Variants in CWC27 observed in about 807,000 individuals in gnomAD.
CWC27 encodes spliceosome-associated protein CWC27 homolog.
In CWC27, 47 loss-of-function variants were observed where a neutral mutation model predicts 63.6. The observed-to-expected ratio is 0.74, with a 90% CI of 0.58 to 0.94. The LOEUF is 0.94. Ranked by LOEUF, CWC27 falls within the 40% of genes least tolerant of loss-of-function variation. The probability of loss-of-function intolerance (pLI) is 0.00; values close to 1 mark genes in which losing one functional copy is unlikely to be tolerated. For synonymous variants in CWC27, 175 were observed against 179.8 expected, an observed-to-expected ratio of 0.97 and a Z score of 0.22; for missense variants, 495 against 554.3, an observed-to-expected ratio of 0.89 and a Z score of 1.07.
chr5:64,814,113 G>A (rs903402136), intron 10 of CWC27, among the ~76,000 whole-genome samples: 5 of 150,346 alleles, frequency 3.3e-5, no homozygotes, highest in African/African-American at 1.2e-4. Flanking sequence ...ACTATTATTA[G>A]TGTTAGGGTA....
At chr5:64,966,674 C>G (rs1292244065) in intron 11 of CWC27, among the ~76,000 whole-genome samples, 1 of 152,090 alleles carries the variant, frequency 6.6e-6, no homozygotes, top group Admixed American at 6.5e-5. Flanking sequence ...ATACTGGAAA[C>G]TGAGAGCACA....
At chr5:64,842,673 C>G (rs974541417) in intron 10 of CWC27, among the ~76,000 whole-genome samples, 2 of 151,860 alleles carry the variant, frequency 1.3e-5, no homozygotes, top group Non-Finnish European at 2.9e-5. Context: ...GATCTTGACC[C>G]ACTGCAGCCT....
intron 13 of CWC27, among the ~76,000 whole-genome samples, chr5:64,986,345 C>G (rs529309798): frequency 6.6e-6 from 1 of 152,188 alleles, no homozygotes; most frequent in South Asian, 2.1e-4. Flanking sequence ...ACATCCTTAC[C>G]AGTGTGTTGA....
intron 2 of CWC27, among the ~76,000 whole-genome samples, chr5:64,776,703 T>C (rs193165302): frequency 5.6e-4 from 86 of 152,230 alleles, no homozygotes; most frequent in Non-Finnish European, 8.8e-4. Context: ...GAAAACCCCA[T>C]TTTAGTTCTT....
chr5:64,792,325 A>C (rs1267703416), intron 7 of CWC27, among the ~76,000 whole-genome samples: 1 of 152,176 alleles, frequency 6.6e-6, no homozygotes, highest in African/African-American at 2.4e-5. Flanking sequence ...AGAGGAATTC[A>C]TACCAAGGAA....
intron 13 of CWC27, among the ~76,000 whole-genome samples, chr5:64,980,579 C>T (rs896601253): frequency 1.3e-5 from 2 of 152,136 alleles, no homozygotes; most frequent in African/African-American, 2.4e-5. Context: ...ATTGTTAATT[C>T]TAAGATTAAC....
At chr5:64,949,931 C>T (rs984142396) in intron 11 of CWC27, among the ~76,000 whole-genome samples, 2 of 151,894 alleles carry the variant, frequency 1.3e-5, no homozygotes, top group African/African-American at 2.4e-5. Flanking sequence ...ACCCAGGCAT[C>T]GGTACTTTTT....
At chr5:64,880,092 A>G (rs7715225) in intron 10 of CWC27, among the ~76,000 whole-genome samples, 56,533 of 151,786 alleles carry the variant, frequency 0.37, 11,227 homozygotes, top group East Asian at 0.51. Flanking sequence ...ATCACAGTTC[A>G]CATGCTTCCT....
At chr5:64,840,362 TAA>T (rs10534375) in intron 10 of CWC27, among the ~76,000 whole-genome samples, 8 of 22,182 alleles carry the variant, frequency 3.6e-4, no homozygotes, top group Non-Finnish European at 5.8e-4. Flanking sequence ...CCTTTTTCAT[TAA>T]AAAAAAAAAA....
chr5:64,929,987 A>G (rs1172343741), intron 11 of CWC27, among the ~76,000 whole-genome samples: 2 of 146,316 alleles, frequency 1.4e-5, no homozygotes, highest in Admixed American at 1.4e-4. Context: ...AACAGCCTAA[A>G]CAAACTGTGA....
At chr5:64,819,382 G>T (rs1745133687) in intron 10 of CWC27, among the ~76,000 whole-genome samples, 1 of 152,028 alleles carries the variant, frequency 6.6e-6, no homozygotes, top group Non-Finnish European at 1.5e-5. Context: ...TTAAAAAAGG[G>T]TGACTGATAT....
chr5:64,804,218 C>T lies in CWC27; in HGVS notation c.781-11C>T. On this transcript the variant is annotated splice_polypyrimidine_tract_variant and intron_variant, in intron 9 of 13. Coordinates refer to ENST00000381070, the MANE Select transcript of CWC27 (RefSeq NM_005869.4). ...GAGCACCTGGCAAATACTCATTTTC[C>T]ATTTCTACAGGATGGAGAAGATGAA... 1 of 1,575,410 alleles carries T rather than the reference C, an allele frequency of 6.3e-7. No individual in the cohort carries two copies.
chr5:64,813,877 T>C (rs1744954835), intron 10 of CWC27, among the ~76,000 whole-genome samples: 1 of 152,126 alleles, frequency 6.6e-6, no homozygotes, highest in South Asian at 2.1e-4. Context: ...TACATGAAGT[T>C]ATGCAAGAGC....
At chr5:64,948,805 A>C (rs906644296) in intron 11 of CWC27, among the ~76,000 whole-genome samples, 16 of 152,004 alleles carry the variant, frequency 1.1e-4, no homozygotes, top group African/African-American at 3.6e-4. Context: ...TATCATCAAG[A>C]GACTCTTCCT....
chr5:64,910,734 C>CT (rs1747768283), intron 11 of CWC27, among the ~76,000 whole-genome samples: 1 of 152,190 alleles, frequency 6.6e-6, no homozygotes, highest in African/African-American at 2.4e-5. Flanking sequence ...GAGCAAGGCT[C>CT]TGTGGGCATG....
chr5:64,991,008 T>G (rs1749527824), intron 13 of CWC27, among the ~76,000 whole-genome samples: 1 of 152,216 alleles, frequency 6.6e-6, no homozygotes, highest in South Asian at 2.1e-4. Context: ...AAGTTAGACA[T>G]GACACTCATT....
intron 13 of CWC27, among the ~76,000 whole-genome samples, chr5:64,987,850 T>C (rs1749464640): frequency 6.6e-6 from 1 of 152,228 alleles, no homozygotes; most frequent in Admixed American, 6.5e-5. Context: ...TATTTTTCTC[T>C]ACGATTTTTT....
At chr5:64,840,384 AAAAAAAAAAAATATATATATATAT>A (rs1367976476) in intron 10 of CWC27, among the ~76,000 whole-genome samples, 33 of 67,206 alleles carry the variant, frequency 4.9e-4, no homozygotes, top group Non-Finnish European at 7.9e-4. Flanking sequence ...AAAAAAAAAA[AAAAAAAAAAAATATATATATATAT>A]ATATATATAT....
At chr5:64,938,095 C>T (rs13357622) in intron 11 of CWC27, among the ~76,000 whole-genome samples, 7 of 151,958 alleles carry the variant, frequency 4.6e-5, no homozygotes, top group Non-Finnish European at 1.0e-4. Context: ...GGGCATTTAG[C>T]CCATTTACAT....
Sources: gnomAD v4.1 joint callset for allele counts (sites outside exome capture counted in the v4.1 genomes callset) on GRCh38, gnomAD v4.1.1 for gene constraint, MANE v1.5 for transcripts, NCBI Gene and HGNC (gene_info 2026-07-23, HGNC 2026-07-21) for gene names.